Variants in SPICE1 observed in about 807,000 individuals in gnomAD.
The protein encoded by SPICE1 is spindle and centriole-associated protein 1.
Under a neutral mutation model 102.7 loss-of-function variants are expected in SPICE1, and 75 were observed. The observed-to-expected ratio is 0.73, with a 90% CI of 0.61 to 0.88. The LOEUF (loss-of-function observed/expected upper bound fraction) is 0.88, where lower values mean the gene tolerates loss of function less well. SPICE1 is among the 40% of genes least tolerant of loss of function. The pLI is 0.00. For missense variants in SPICE1, 979 were observed against 1,020.1 expected, an observed-to-expected ratio of 0.96 and a Z score of 0.55; for synonymous variants, 308 against 350.3, an observed-to-expected ratio of 0.88 and a Z score of 1.35.
chr3:113,472,316 G>A (rs1936224996), intron 7 of SPICE1, among the ~76,000 whole-genome samples: 1 of 152,224 alleles, frequency 6.6e-6, no homozygotes, highest in Admixed American at 6.5e-5. Flanking sequence ...ACAGCTCAAG[G>A]AGGCCTGCCT....
chr3:113,450,929 C>T (rs918762938), intron 14 of SPICE1, among the ~76,000 whole-genome samples: 1 of 152,032 alleles, frequency 6.6e-6, no homozygotes, highest in Non-Finnish European at 1.5e-5. Context: ...ATTTACAGTC[C>T]CTTTAAGCAT....
In SPICE1 at chr3:113,450,380, G is replaced by T. The variant is rs1245147688; in HGVS notation, c.2279C>A (p.Ser760Tyr). Residue 760 changes from serine to tyrosine, a missense_variant, in exon 15 of 18, where the codon TCT becomes TAT. Physicochemically the swap from Ser to Tyr is moderately radical, Grantham distance 144. Coordinates refer to ENST00000295872, the MANE Select transcript of SPICE1 (RefSeq NM_144718.4). ...TAACTGAACAGGTGACATTGGTGGA[G>T]AAAGATTCAAACCAACAAGTTTCTG... ...EQQKLVGLNL[S>Y]PPMSPVQLPL... The T allele has an allele frequency of 6.2e-7, 1 of 1,614,126 alleles. No individual in the cohort carries two copies. The highest frequency in any genetic ancestry group is 1.7e-5 in the Admixed American group (1 of 60,010).
chr3:113,482,820 G>C (rs940022381), intron 7 of SPICE1, among the ~76,000 whole-genome samples: 2 of 152,166 alleles, frequency 1.3e-5, no homozygotes, highest in African/African-American at 4.8e-5. Flanking sequence ...TTGTAGTATA[G>C]TTTGAATTCA....
chr3:113,506,520 T>G lies in SPICE1; in HGVS notation c.86A>C (p.Lys29Thr), dbSNP rs1937114885. The stretch of plus-strand genomic sequence containing the variant: ...ACCTATACTCACATCCCATTCTTGT[T>G]TCACTGAAGTTTTCTTCTTCTTTAC... ...PKVKKKKTSV[K>T]QEWDNTVTDL... The change falls in exon 2 of 18, where the codon AAA (lysine) becomes ACA (threonine). Residue 29 changes from lysine (K) to threonine (T), a missense_variant. Physicochemically the swap from Lys to Thr is moderately conservative, Grantham distance 78. Coordinates refer to ENST00000295872, the MANE Select transcript of SPICE1 (RefSeq NM_144718.4). 2 of 1,612,862 alleles carry G rather than the reference T, an allele frequency of 1.2e-6. No individual in the cohort carries two copies. The highest frequency in any genetic ancestry group is 2.7e-5 in the African/African-American group (2 of 75,030).
intron 14 of SPICE1, 121 bp downstream of exon 14, chr3:113,453,344 TA>T: frequency 8.2e-7 from 1 of 1,214,298 alleles, no homozygotes; most frequent in Non-Finnish European, 1.1e-6. Flanking sequence ...ATGCCAAACA[TA>T]AGCCATCTAG....
intron 5 of SPICE1, 141 bp downstream of exon 5, chr3:113,493,908 C>T: frequency 5.3e-6 from 3 of 566,830 alleles, no homozygotes; most frequent in East Asian, 2.9e-5. Context: ...TGACTCTAAC[C>T]CTAACAACCC....
intron 7 of SPICE1, among the ~76,000 whole-genome samples, chr3:113,480,755 C>T (rs1466701661): frequency 6.6e-6 from 1 of 151,792 alleles, no homozygotes; most frequent in Non-Finnish European, 1.5e-5. Context: ...TGTTTGCATG[C>T]CTGTAGTCCC....
chr3:113,485,191 T>C (rs1376891223), intron 7 of SPICE1, among the ~76,000 whole-genome samples: 5 of 150,730 alleles, frequency 3.3e-5, no homozygotes, highest in African/African-American at 9.8e-5. Flanking sequence ...TTTTTTTTTT[T>C]CCATACCACA....
intron 4 of SPICE1, among the ~76,000 whole-genome samples, chr3:113,497,566 C>G (rs760237229): frequency 2.0e-5 from 3 of 151,954 alleles, no homozygotes; most frequent in Admixed American, 6.6e-5. Context: ...GCAGCACATT[C>G]AAATTACATA....
intron 16 of SPICE1, 27 bp downstream of exon 16, chr3:113,448,011 T>TTA (rs557222276): frequency 3.0e-4 from 467 of 1,539,648 alleles, no homozygotes; most frequent in East Asian, 9.1e-4. Flanking sequence ...TTTTTTTTTT[T>TTA]AAATAAATAT....
intron 7 of SPICE1, among the ~76,000 whole-genome samples, chr3:113,486,629 T>G (rs1042790103): frequency 6.6e-6 from 1 of 151,698 alleles, no homozygotes; most frequent in Non-Finnish European, 1.5e-5. Flanking sequence ...TATGAACAGC[T>G]ATGGGGAGAT....
chr3:113,462,659 C>A (rs55865352), intron 11 of SPICE1, among the ~76,000 whole-genome samples: 27,216 of 152,118 alleles, frequency 0.18, 3,168 homozygotes, highest in East Asian at 0.42. Flanking sequence ...TCTCAAACAG[C>A]CCCTCAGTTG....
At position 113,486,862 on chromosome 3, in the gene SPICE1, G is replaced by GATATATATAT. The variant is rs141247316; in HGVS notation, c.611+2073_611+2082dup. ...TCTTTTATATAAGAGAAAATAAGGAGATATATATATATATATATATATCTG... is the reference window on the plus strand; with the variant it reads ...TCTTTTATATAAGAGAAAATAAGGAGATATATATATATATATATATATATATATATATCTG... On this transcript the variant is annotated intron_variant, in intron 7 of 17. Transcript: ENST00000295872. Among the ~76,000 whole-genome samples, 20 of 144,010 alleles carry GATATATATAT rather than the reference G, an allele frequency of 1.4e-4. No individual in the cohort carries two copies. In the East Asian group the frequency reaches 2.0e-3, roughly 15 times the overall value. The allele number at this position is 144,010 out of a possible 152,430, so 94.5% of individuals were successfully genotyped here.
At chr3:113,450,213 G>T in intron 15 of SPICE1, 123 bp downstream of exon 15, 1 of 1,034,898 alleles carries the variant, frequency 9.7e-7, no homozygotes, top group Non-Finnish European at 1.4e-6. Flanking sequence ...TTCTTTCTGT[G>T]CAAAATTGAA....
Position 113,497,241 on chromosome 3 carries a change from A to T in SPICE1, c.291+2198T>A, listed in dbSNP as rs141318771. ...TTGTATTCAGAGACAGAAGCTGTGT[A>T]ATAAAGGACTGCAGAGTTCCCTACC... On this transcript the variant is annotated intron_variant, in intron 4 of 17. Transcript: ENST00000295872. Among the ~76,000 whole-genome samples the T allele has an allele frequency of 4.1e-3, 632 of 152,318 alleles. 7 individuals are homozygous for T. Among genetic ancestry groups the T allele is most frequent in the African/African-American group, 0.015 (604 of 41,556 alleles).
chr3:113,448,279 T>C (rs1488061919), intron 15 of SPICE1, 139 bp from the exon 16 acceptor site: 1 of 675,972 alleles, frequency 1.5e-6, no homozygotes, highest in African/African-American at 1.9e-5. Context: ...CAAGATACAC[T>C]TGAAAGACTT....
intron 4 of SPICE1, among the ~76,000 whole-genome samples, chr3:113,496,526 C>T (rs1316586509): frequency 6.6e-6 from 1 of 152,160 alleles, no homozygotes; most frequent in East Asian, 1.9e-4. Flanking sequence ...GGAGTTATTA[C>T]ATTTTGGGGA....
chr3:113,466,371 G>T (rs983231308), intron 10 of SPICE1, among the ~76,000 whole-genome samples: 1 of 152,158 alleles, frequency 6.6e-6, no homozygotes, highest in African/African-American at 2.4e-5. Flanking sequence ...ACATTGGGAG[G>T]CCAAGGCAGG....
chr3:113,450,912 C>T (rs562074228), intron 14 of SPICE1, among the ~76,000 whole-genome samples: 2 of 152,252 alleles, frequency 1.3e-5, no homozygotes, highest in Non-Finnish European at 2.9e-5. Flanking sequence ...AGTGAGCACA[C>T]AATAGAATTT....
Sources: gnomAD v4.1 joint callset for allele counts (sites outside exome capture counted in the v4.1 genomes callset) on GRCh38, gnomAD v4.1.1 for gene constraint, MANE v1.5 for transcripts, NCBI Gene and HGNC (gene_info 2026-07-23, HGNC 2026-07-21) for gene names.